The following GYPC variants were observed in gnomAD, a reference collection of about 807,000 sequenced individuals.
GYPC encodes glycophorin-C.
GYPC carries 14 observed loss-of-function variants against 12.6 expected under a neutral mutation model. The ratio of observed to expected loss-of-function variants is 1.11; its 90% CI spans 0.74 to 1.74. The LOEUF is 1.74. Ranked by LOEUF, GYPC falls within the 40% of genes most tolerant of loss-of-function variation. The pLI is 0.00. For synonymous variants in GYPC, 78 were observed against 62.1 expected (o/e 1.26, Z -1.20); for missense variants, 225 against 172.1 (o/e 1.31, Z -1.72).
At chr2:126,656,363 C>G (rs1384101822) in intron 1 of GYPC, 51 bp downstream of exon 1, 1 of 1,483,518 alleles carries the variant, frequency 6.7e-7, no homozygotes, top group South Asian at 1.2e-5. Flanking sequence ...GAGGCCGCGG[C>G]CCGCAGCAGC....
At chr2:126,686,463 G>A (rs975634500) in intron 1 of GYPC, 1 of 985,542 alleles carries the variant, frequency 1.0e-6, no homozygotes. Flanking sequence ...AAATCCCATG[G>A]ATGAAAAGCC....
chr2:126,667,190 A>G (rs1299255694), intron 1 of GYPC, among the ~76,000 whole-genome samples: 1 of 152,174 alleles, frequency 6.6e-6, no homozygotes, highest in East Asian at 1.9e-4. Flanking sequence ...ACGTGGATTT[A>G]GAGAATTCAG....
At chr2:126,692,672 C>A (rs1683508517) in intron 2 of GYPC, among the ~76,000 whole-genome samples, 4 of 152,170 alleles carry the variant, frequency 2.6e-5, no homozygotes, top group Admixed American at 1.3e-4. Context: ...ATGTCCTAGA[C>A]ATCCTACCCT....
chr2:126,674,649 C>G (rs1370892483), intron 1 of GYPC, among the ~76,000 whole-genome samples: 2 of 152,166 alleles, frequency 1.3e-5, no homozygotes, highest in Non-Finnish European at 2.9e-5. Flanking sequence ...AAGATGGAAG[C>G]CTTTTTTTAA....
At chr2:126,682,879 G>A (rs1683187738) in intron 1 of GYPC, among the ~76,000 whole-genome samples, 1 of 152,186 alleles carries the variant, frequency 6.6e-6, no homozygotes, top group Admixed American at 6.5e-5. Context: ...CCAGACGTAA[G>A]AGCCACTAGA....
At chr2:126,669,040 A>G (rs1682765965) in intron 1 of GYPC, among the ~76,000 whole-genome samples, 1 of 152,188 alleles carries the variant, frequency 6.6e-6, no homozygotes, top group African/African-American at 2.4e-5. Flanking sequence ...CCCAACGTAA[A>G]TGGGTGCTTT....
chr2:126,657,513 G>C (rs1484780951), intron 1 of GYPC: 5 of 152,250 alleles, frequency 3.3e-5, no homozygotes, highest in African/African-American at 1.2e-4. Flanking sequence ...CTAAGTGCTG[G>C]ATCCGTGCTG....
rs367840956 is a variant in GYPC, at chr2:126,682,017, G to A, written c.50-8238G>A. 5.9e-4 allele frequency among the ~76,000 whole-genome samples: 90 copies of A among 152,146 alleles called. No individual in the cohort carries two copies. In the South Asian group the frequency reaches 0.018, roughly 30 times the overall value. ...GGATTGCACACCCTCACCCTCCTCA[G>A]GGAGGTGTCTGGGTGGAGCTGGGAC... On this transcript the variant is annotated intron_variant, in intron 1 of 3. Coordinates refer to ENST00000259254, the MANE Select transcript of GYPC (RefSeq NM_002101.5).
rs28387089 is a variant in GYPC at position 126,658,760 on chromosome 2, T to C, written c.49+2448T>C. ...CTTATTTTACATAATAAAAATGCAT[T>C]TTATATATTTTACTTCATCTTGTTT... On this transcript the variant is annotated intron_variant, in intron 1 of 3. Transcript: ENST00000259254. 5.1e-4 allele frequency: 77 copies of C among 152,364 alleles called. 1 individual carries two copies. Among genetic ancestry groups the C allele is most frequent in the African/African-American group, 1.8e-3 (76 of 41,586 alleles). 9.4% of individuals were successfully genotyped at this position (152,364 alleles called of 1,614,324 possible).
intron 1 of GYPC, among the ~76,000 whole-genome samples, chr2:126,663,815 C>G (rs12692114): frequency 0.53 from 80,877 of 152,120 alleles, 22,673 homozygotes; most frequent in African/African-American, 0.7. Context: ...AGTGTGAAGC[C>G]GGGGGCCTCC....
At chr2:126,668,439 T>C (rs992938767) in intron 1 of GYPC, among the ~76,000 whole-genome samples, 31 of 152,262 alleles carry the variant, frequency 2.0e-4, no homozygotes, top group African/African-American at 7.2e-4. Context: ...GGAGGACACT[T>C]TGAGGCCTGG....
intron 1 of GYPC, chr2:126,658,910 C>T (rs779331768): frequency 7.9e-5 from 12 of 152,116 alleles, no homozygotes; most frequent in African/African-American, 1.2e-4. Flanking sequence ...CACAGCAGTC[C>T]TGTGACAATG....
chr2:126,690,202 T>G (rs1683415678), intron 1 of GYPC, 53 bp from the exon 2 acceptor site: 1 of 1,341,996 alleles, frequency 7.5e-7, no homozygotes, highest in Non-Finnish European at 1.1e-6. Flanking sequence ...AAGGTGCTGC[T>G]AGGCATGGAG....
chr2:126,688,704 C>T (rs1473841011), intron 1 of GYPC, among the ~76,000 whole-genome samples: 1 of 152,098 alleles, frequency 6.6e-6, no homozygotes, highest in Non-Finnish European at 1.5e-5. Flanking sequence ...ACACCACTAG[C>T]TTGGCCCACC....
At chr2:126,672,879 C>T (rs1313454499) in intron 1 of GYPC, among the ~76,000 whole-genome samples, 2 of 152,154 alleles carry the variant, frequency 1.3e-5, no homozygotes, top group Admixed American at 1.3e-4. Flanking sequence ...ACATAGCCTC[C>T]TTCTCCTCTC....
chr2:126,693,556 A>G (rs1176275140), intron 2 of GYPC, among the ~76,000 whole-genome samples: 1 of 152,204 alleles, frequency 6.6e-6, no homozygotes, highest in African/African-American at 2.4e-5. Context: ...CAGCACAGAT[A>G]TCTGTTGAGC....
intron 1 of GYPC, among the ~76,000 whole-genome samples, chr2:126,666,701 C>T (rs908453642): frequency 1.4e-5 from 2 of 147,120 alleles, no homozygotes; most frequent in South Asian, 2.2e-4. Context: ...CCCCTCCCCT[C>T]CCTCCCTACA....
intron 2 of GYPC, among the ~76,000 whole-genome samples, chr2:126,692,339 G>A (rs1424228210): frequency 6.6e-6 from 1 of 152,098 alleles, no homozygotes; most frequent in African/African-American, 2.4e-5. Flanking sequence ...TCCTGCTGTG[G>A]ACCCCTAGCT....
rs1355776488 is a variant in GYPC at position 126,656,204 on chromosome 2, G to T, written c.-60G>T. On this transcript the variant is annotated 5_prime_UTR_variant, in exon 1 of 4. Transcript: ENST00000259254. ...GAGCCCGGGAGCGCGACCCTCCCCC[G>T]GCCCGGCCTGGCCCGGCCTGGCCAG... is the stretch of plus-strand genomic sequence containing the variant. 11 of 1,546,574 alleles carry T rather than the reference G, an allele frequency of 7.1e-6. No individual in the cohort carries two copies. The East Asian group carries it at 9.8e-5, about 14-fold the overall frequency.
Sources: allele counts gnomAD v4.1 joint callset (sites outside exome capture counted in the v4.1 genomes callset), GRCh38; gene constraint gnomAD v4.1.1; transcripts MANE v1.5; gene names NCBI Gene and HGNC (gene_info 2026-07-23, HGNC 2026-07-21).